SMU1: variants seen among roughly 807,000 people sequenced by gnomAD.
SMU1 encodes the protein SMU1 DNA replication regulator and spliceosomal factor.
Under a neutral mutation model 62.0 loss-of-function variants are expected in SMU1, and 2 were observed. That is an observed-to-expected ratio of 0.03 (90% CI 0.01 to 0.10). The LOEUF (loss-of-function observed/expected upper bound fraction) is 0.10, where lower values mean the gene tolerates loss of function less well. Among genes scored for constraint, SMU1 ranks in the 10% least tolerant of loss-of-function variants. The pLI is 1.00. For missense variants in SMU1, 227 were observed against 622.1 expected (o/e 0.36, Z 6.76); for synonymous variants, 188 against 212.4 (o/e 0.89, Z 1.00).
At chr9:33,074,665 C>T (rs540020335) in intron 1 of SMU1, among the ~76,000 whole-genome samples, 1 of 151,860 alleles carries the variant, frequency 6.6e-6, no homozygotes, top group Non-Finnish European at 1.5e-5. Flanking sequence ...CCCCAATTTA[C>T]AGATGAGGAT....
chr9:33,059,670 A>G (rs946708073), intron 6 of SMU1, among the ~76,000 whole-genome samples: 2 of 143,414 alleles, frequency 1.4e-5, no homozygotes, highest in Non-Finnish European at 3.0e-5. Flanking sequence ...CAGTGGCATG[A>G]TCTCGGCTCA....
chr9:33,042,395 C>T lies in SMU1; in HGVS notation c.*4898G>A, dbSNP rs1839135990. 6.6e-6 allele frequency: 1 copy of T among 152,574 alleles called. No individual in the cohort carries two copies. Among genetic ancestry groups the T allele is most frequent in the African/African-American group, 2.4e-5 (1 of 41,416 alleles). 9.5% of individuals were successfully genotyped at this position (152,574 alleles called of 1,614,324 possible). ...ACAGAGCCTATGAAAAAACATTAACCAAGGTCATCATCCACAAAAATACAA... is the reference window on the plus strand; with the variant it reads ...ACAGAGCCTATGAAAAAACATTAACTAAGGTCATCATCCACAAAAATACAA... On this transcript the variant is annotated 3_prime_UTR_variant, in exon 12 of 12. Transcript: ENST00000397149.
rs1192054655 is a variant in SMU1 at position 33,045,255 on chromosome 9, A to C, written c.*2038T>G. The C allele has an allele frequency of 6.6e-6, 1 of 152,130 alleles. No individual in the cohort carries two copies. The highest frequency in any genetic ancestry group is 1.5e-5 in the Non-Finnish European group (1 of 68,032). 9.4% of individuals were successfully genotyped at this position (152,130 alleles called of 1,614,324 possible). A position where few individuals can be genotyped will look rare whatever the true frequency, so the allele number is the denominator to read the frequency against. On this transcript the variant is annotated 3_prime_UTR_variant, in exon 12 of 12. Coordinates refer to ENST00000397149, the MANE Select transcript of SMU1 (RefSeq NM_018225.3). ...TTTTTAGCATAAACTGTTTCCTCTA[A>C]CTTAAACTTCTCTTAAGTGAACGTG... is the stretch of plus-strand genomic sequence containing the variant.
At chr9:33,061,341 G>A (rs559443020) in intron 5 of SMU1, among the ~76,000 whole-genome samples, 1 of 152,138 alleles carries the variant, frequency 6.6e-6, no homozygotes, top group Non-Finnish European at 1.5e-5. Context: ...AGTAAATAAA[G>A]GTGCTGCTTA....
intron 2 of SMU1, 72 bp downstream of exon 2, chr9:33,073,524 T>A: frequency 9.3e-7 from 1 of 1,080,012 alleles, no homozygotes; most frequent in South Asian, 1.4e-5. Context: ...GAATGCTCAC[T>A]GACGCTTTTT....
rs112149049 is a variant in SMU1, at chr9:33,074,865, C to T, written c.27-1059G>A. Among the ~76,000 whole-genome samples, 640 of 151,822 alleles carry T rather than the reference C, an allele frequency of 4.2e-3. 3 individuals carry two copies. Among genetic ancestry groups the T allele is most frequent in the African/African-American group, 0.015 (613 of 41,426 alleles). Reference sequence around the variant, plus strand: ...TGTGGCTGACTGCAGCCTGGGCCTCCTGGGATCAGGTGATCCTCTCACCTC... The same window carrying T: ...TGTGGCTGACTGCAGCCTGGGCCTCTTGGGATCAGGTGATCCTCTCACCTC... On this transcript the variant is annotated intron_variant, in intron 1 of 11. Coordinates refer to ENST00000397149, the MANE Select transcript of SMU1 (RefSeq NM_018225.3).
rs903372034 is a variant in SMU1, at chr9:33,045,791, G to A, written c.*1502C>T. On this transcript the variant is annotated 3_prime_UTR_variant, in exon 12 of 12. Transcript: ENST00000397149. Reference sequence around the variant, plus strand: ...ACCTGGGAAGTGGAAGTTGCAGTTAGCTGAGATGGCACCACTGCACTCCAG... The same window carrying A: ...ACCTGGGAAGTGGAAGTTGCAGTTAACTGAGATGGCACCACTGCACTCCAG... The A allele has an allele frequency of 7.2e-6, 1 of 138,714 alleles. No individual in the cohort carries two copies. Among genetic ancestry groups the A allele is most frequent in the Non-Finnish European group, 1.6e-5 (1 of 60,832 alleles). 8.6% of individuals were successfully genotyped at this position (138,714 alleles called of 1,614,324 possible). A position where few individuals can be genotyped will look rare whatever the true frequency, so the allele number is the denominator to read the frequency against.
rs757845826 is a variant in SMU1, at chr9:33,044,559, G to A, written c.*2734C>T. On this transcript the variant is annotated 3_prime_UTR_variant, in exon 12 of 12. Coordinates refer to ENST00000397149, the MANE Select transcript of SMU1 (RefSeq NM_018225.3). Reference sequence around the variant, plus strand: ...TGGGCTGCCCCAGCCTTCAATGCTGGAGGGACGGCCGCGTGGGGCTTCAGA... The same window carrying A: ...TGGGCTGCCCCAGCCTTCAATGCTGAAGGGACGGCCGCGTGGGGCTTCAGA... The A allele has an allele frequency of 6.6e-6, 1 of 152,308 alleles. No individual in the cohort carries two copies. Among genetic ancestry groups the A allele is most frequent in the Non-Finnish European group, 1.5e-5 (1 of 68,092 alleles). The allele number at this position is 152,308 out of a possible 1,614,324, so 9.4% of individuals were successfully genotyped here. A position where few individuals can be genotyped will look rare whatever the true frequency, so the allele number is the denominator to read the frequency against.
At chr9:33,049,358 G>C (rs1385300945) in intron 10 of SMU1, among the ~76,000 whole-genome samples, 1 of 152,172 alleles carries the variant, frequency 6.6e-6, no homozygotes, top group Non-Finnish European at 1.5e-5. Flanking sequence ...TTTTCAACAA[G>C]AGATGCCATA....
rs1271705912 is a variant in SMU1 at position 33,071,841 on chromosome 9, A to G, written c.289T>C (p.Leu97=). The change falls in exon 3 of 12, where the codon TTG becomes CTG. Residue 97 remains leucine (L), a synonymous_variant. Transcript: ENST00000397149. ...ATGATCATGGGATCAGTCTGTCTCA[A>G]AAGTGACCTGGCAGCACCCAATTCA... ...LRELGAARSL[L]RQTDPMIMLK... 4 of 1,601,944 alleles carry G rather than the reference A, an allele frequency of 2.5e-6. No individual in the cohort carries two copies. The highest frequency in any genetic ancestry group is 3.4e-6 in the Non-Finnish European group (4 of 1,176,440).
chr9:33,065,906 A>C (rs1349783697), intron 4 of SMU1, among the ~76,000 whole-genome samples: 1 of 152,190 alleles, frequency 6.6e-6, no homozygotes, highest in East Asian at 1.9e-4. Flanking sequence ...GCTTCAGTGT[A>C]CACTGGTATG....
chr9:33,071,710 A>G (rs1203807633), intron 3 of SMU1, 30 bp downstream of exon 3: 5 of 1,583,362 alleles, frequency 3.2e-6, no homozygotes, highest in Admixed American at 2.0e-5. Flanking sequence ...AAAGTTAACA[A>G]AAAGTTCCTT....
At chr9:33,074,390 T>A (rs111859715) in intron 1 of SMU1, among the ~76,000 whole-genome samples, 5 of 151,512 alleles carry the variant, frequency 3.3e-5, no homozygotes, top group Admixed American at 6.6e-5. Context: ...CTTGAGCCCA[T>A]GAGTTCAAGA....
At position 33,068,873 on chromosome 9, in the gene SMU1, C is replaced by A. The variant is rs1460733632; in HGVS notation, c.452G>T (p.Gly151Val). The A allele has an allele frequency of 6.2e-7, 1 of 1,614,058 alleles. No homozygotes were observed. The highest frequency in any genetic ancestry group is 8.5e-7 in the Non-Finnish European group (1 of 1,179,990). ...RRAAIAQALAGEVSVVPPSRL... is the reference protein window; with the variant it reads ...RRAAIAQALAVEVSVVPPSRL... ...AGATGGAGGCACCACACTGACTTCG[C>A]CAGCTAAGGCCTGGGCAATTGCTGC... is the stretch of plus-strand genomic sequence containing the variant. The change falls in exon 4 of 12, where the codon GGC becomes GTC. Residue 151 changes from glycine (G) to valine (V), a missense_variant. Physicochemically the swap from Gly to Val is moderately radical, Grantham distance 109 (BLOSUM62 -3). Coordinates refer to ENST00000397149, the MANE Select transcript of SMU1 (RefSeq NM_018225.3).
intron 1 of SMU1, among the ~76,000 whole-genome samples, chr9:33,074,888 C>G (rs1187491910): frequency 2.0e-5 from 3 of 151,866 alleles, no homozygotes; most frequent in Non-Finnish European, 4.4e-5. Flanking sequence ...ATCCTCTCAC[C>G]TCAGCCTCCC....
chr9:33,055,483 T>TAG (rs36062111), intron 9 of SMU1, among the ~76,000 whole-genome samples: 54,268 of 151,852 alleles, frequency 0.36, 9,971 homozygotes, highest in African/African-American at 0.4. Flanking sequence ...GGAATGTAAA[T>TAG]AGTGTCTCAA....
intron 6 of SMU1, among the ~76,000 whole-genome samples, chr9:33,059,372 CA>C (rs1327013831): frequency 8.6e-5 from 12 of 139,082 alleles, no homozygotes; most frequent in Non-Finnish European, 1.9e-4. Context: ...AGTGTAGGAG[CA>C]AAACACTACT....
chr9:33,064,939 C>T (rs899014327), intron 4 of SMU1, among the ~76,000 whole-genome samples: 1 of 152,102 alleles, frequency 6.6e-6, no homozygotes, highest in East Asian at 1.9e-4. Context: ...CACAAGGTTT[C>T]GCCACGTTGG....
chr9:33,056,384 A>T (rs1839304415), intron 8 of SMU1, 145 bp from the exon 9 acceptor site: 1 of 779,492 alleles, frequency 1.3e-6, no homozygotes, highest in African/African-American at 1.8e-5. Context: ...TATACGGTGT[A>T]ATTTTCACTA....
Sources: gnomAD v4.1 joint callset for allele counts (sites outside exome capture counted in the v4.1 genomes callset) on GRCh38, gnomAD v4.1.1 for gene constraint, MANE v1.5 for transcripts, NCBI Gene and HGNC (gene_info 2026-07-23, HGNC 2026-07-21) for gene names.